WWOX: variants seen among roughly 807,000 people sequenced by gnomAD.
The protein encoded by WWOX is WW domain-containing oxidoreductase.
WWOX carries 69 observed loss-of-function variants against 46.2 expected under a neutral mutation model. The observed-to-expected ratio is 1.49, with a 90% CI of 1.23 to 1.82. WWOX has a LOEUF of 1.82. Among genes scored for constraint, WWOX ranks in the 40% most tolerant of loss-of-function variants. WWOX has a pLI of 0.00. For missense variants in WWOX, 919 were observed against 542.6 expected, an observed-to-expected ratio of 1.69 and a Z score of -6.89; for synonymous variants, 359 against 202.6, an observed-to-expected ratio of 1.77 and a Z score of -6.56.
intron 5 of WWOX, among the ~76,000 whole-genome samples, chr16:78,365,854 G>C (rs1230735722): frequency 2.6e-5 from 4 of 152,162 alleles, no homozygotes; most frequent in African/African-American, 9.7e-5. Flanking sequence ...AAAGAGGAAA[G>C]TGTATAGTTC....
At chr16:78,806,408 A>G (rs933201542) in intron 8 of WWOX, among the ~76,000 whole-genome samples, 6 of 152,182 alleles carry the variant, frequency 3.9e-5, no homozygotes, top group Non-Finnish European at 7.3e-5. Flanking sequence ...TTGTTCAGGA[A>G]TCTGTAGTTT....
At chr16:78,176,700 T>A (rs1277898695) in intron 5 of WWOX, among the ~76,000 whole-genome samples, 2 of 152,200 alleles carry the variant, frequency 1.3e-5, no homozygotes, top group Non-Finnish European at 2.9e-5. Context: ...GCAGAAAGAA[T>A]AAGTTATTAC....
chr16:78,443,710 G>A (rs1355627411), intron 8 of WWOX, among the ~76,000 whole-genome samples: 1 of 152,078 alleles, frequency 6.6e-6, no homozygotes, highest in Non-Finnish European at 1.5e-5. Flanking sequence ...TTATCTTCCC[G>A]GTTTCCTTTT....
chr16:78,383,570 C>G (rs916403678), intron 5 of WWOX, among the ~76,000 whole-genome samples: 1 of 152,176 alleles, frequency 6.6e-6, no homozygotes, highest in South Asian at 2.1e-4. Flanking sequence ...CTGTCAGCCA[C>G]TACCTTCTTA....
chr16:79,151,882 C>T (rs537466958), intron 8 of WWOX, among the ~76,000 whole-genome samples: 4 of 152,108 alleles, frequency 2.6e-5, no homozygotes, highest in Non-Finnish European at 5.9e-5. Flanking sequence ...TGGGGACTTG[C>T]CTTTGTTTAT....
intron 5 of WWOX, among the ~76,000 whole-genome samples, chr16:78,316,584 C>T (rs897048573): frequency 2.0e-5 from 3 of 152,128 alleles, no homozygotes; most frequent in African/African-American, 7.2e-5. Context: ...CTCAGGTGTT[C>T]TGCCCGTCTC....
intron 8 of WWOX, among the ~76,000 whole-genome samples, chr16:78,835,340 G>A (rs970510803): frequency 6.6e-6 from 1 of 152,206 alleles, no homozygotes; most frequent in Non-Finnish European, 1.5e-5. Flanking sequence ...TATTCTAGTA[G>A]TAAATAGAGG....
At chr16:78,390,178 G>C (rs1041108164) in intron 6 of WWOX, among the ~76,000 whole-genome samples, 1 of 152,176 alleles carries the variant, frequency 6.6e-6, no homozygotes, top group Admixed American at 6.5e-5. Flanking sequence ...TAGCATGTGA[G>C]ATCTCACAAT....
At chr16:78,381,941 C>T (rs867041774) in intron 5 of WWOX, among the ~76,000 whole-genome samples, 8 of 152,296 alleles carry the variant, frequency 5.3e-5, no homozygotes, top group Middle Eastern at 3.4e-3. Flanking sequence ...TCATGTCTCA[C>T]GGCAGCCTCG....
At chr16:78,152,699 C>T (rs79320244) in intron 4 of WWOX, among the ~76,000 whole-genome samples, 3,131 of 152,292 alleles carry the variant, frequency 0.021, 121 homozygotes, top group African/African-American at 0.072. Context: ...AACTTATTCA[C>T]CCAGCACAGT....
intron 8 of WWOX, among the ~76,000 whole-genome samples, chr16:78,574,549 C>A (rs879218481): frequency 2.6e-5 from 4 of 152,052 alleles, no homozygotes. Flanking sequence ...TGAAGATCTG[C>A]CTTCAAAGAC....
chr16:78,820,227 T>C (rs542750112), intron 8 of WWOX, among the ~76,000 whole-genome samples: 1 of 152,146 alleles, frequency 6.6e-6, no homozygotes, highest in African/African-American at 2.4e-5. Context: ...AGAACAGTCA[T>C]GGACACTGCT....
intron 6 of WWOX, among the ~76,000 whole-genome samples, chr16:78,405,755 C>T (rs1019373904): frequency 1.3e-5 from 2 of 152,118 alleles, no homozygotes; most frequent in African/African-American, 4.8e-5. Context: ...TATATTTTCT[C>T]TAATTCTTGT....
chr16:78,273,405 C>A (rs543285183), intron 5 of WWOX, among the ~76,000 whole-genome samples: 1 of 152,282 alleles, frequency 6.6e-6, no homozygotes, highest in South Asian at 2.1e-4. Flanking sequence ...AAGTATGCTT[C>A]TGTGCGAGCC....
At chr16:79,028,967 A>G (rs1448363141) in intron 8 of WWOX, among the ~76,000 whole-genome samples, 1 of 151,802 alleles carries the variant, frequency 6.6e-6, no homozygotes, top group Non-Finnish European at 1.5e-5. Context: ...TCTAGTACCT[A>G]TGCTATGTGG....
At chr16:78,757,162 G>T in intron 8 of WWOX, 1 of 614,988 alleles carries the variant, frequency 1.6e-6, no homozygotes, top group Non-Finnish European at 2.9e-6. Flanking sequence ...CTGCACCACA[G>T]AAATTCTTGT....
intron 5 of WWOX, among the ~76,000 whole-genome samples, chr16:78,339,819 C>T (rs1364393387): frequency 8.5e-6 from 1 of 117,462 alleles, no homozygotes; most frequent in African/African-American, 2.9e-5. Context: ...CTATCTGCTT[C>T]TCTCTTGGGA....
intron 5 of WWOX, among the ~76,000 whole-genome samples, chr16:78,365,164 A>G (rs1169644526): frequency 6.6e-6 from 1 of 152,180 alleles, no homozygotes; most frequent in African/African-American, 2.4e-5. Flanking sequence ...AGGTTGAGGG[A>G]AGAAATAAAT....
At chr16:78,935,105 C>G (rs755679933) in intron 8 of WWOX, among the ~76,000 whole-genome samples, 5 of 152,136 alleles carry the variant, frequency 3.3e-5, no homozygotes, top group Non-Finnish European at 5.9e-5. Flanking sequence ...CAGGAAAAAA[C>G]AGGTCCTGGA....
Sources: allele counts gnomAD v4.1 joint callset (sites outside exome capture counted in the v4.1 genomes callset), GRCh38; gene constraint gnomAD v4.1.1; transcripts MANE v1.5; gene names NCBI Gene and HGNC (gene_info 2026-07-23, HGNC 2026-07-21).